LDLRAD4: variants seen among roughly 807,000 people sequenced by gnomAD.
LDLRAD4 encodes the protein low-density lipoprotein receptor class A domain-containing protein 4.
In LDLRAD4, 5 loss-of-function variants were observed where a neutral mutation model predicts 17.0. The observed-to-expected ratio is 0.29, with a 90% CI of 0.15 to 0.62. The LOEUF (loss-of-function observed/expected upper bound fraction) is 0.62. Among genes scored for constraint, LDLRAD4 ranks in the 20% least tolerant of loss-of-function variants. The pLI is 0.84. For missense variants in LDLRAD4, 340 were observed against 424.7 expected, an observed-to-expected ratio of 0.80 and a Z score of 1.75; for synonymous variants, 168 against 171.8, an observed-to-expected ratio of 0.98 and a Z score of 0.17.
intron 3 of LDLRAD4, among the ~76,000 whole-genome samples, chr18:13,525,609 A>G (rs559645955): frequency 1.3e-5 from 2 of 152,380 alleles, no homozygotes; most frequent in South Asian, 4.1e-4. Flanking sequence ...AGGTCTTGGC[A>G]TCTGCCGGGG....
At chr18:13,639,543 A>G (rs944053247) in intron 4 of LDLRAD4, among the ~76,000 whole-genome samples, 4 of 152,202 alleles carry the variant, frequency 2.6e-5, no homozygotes, top group Admixed American at 6.5e-5. Context: ...TGGAGCGAGC[A>G]TCAGCTAATG....
At chr18:13,574,632 G>A (rs2094741935) in intron 3 of LDLRAD4, among the ~76,000 whole-genome samples, 1 of 152,196 alleles carries the variant, frequency 6.6e-6, no homozygotes, top group Admixed American at 6.5e-5. Flanking sequence ...CGCTCATGGA[G>A]CCCTGGCATT....
chr18:13,347,921 A>T (rs8099239), intron 1 of LDLRAD4, among the ~76,000 whole-genome samples: 7,958 of 152,268 alleles, frequency 0.052, 514 homozygotes, highest in African/African-American at 0.15. Context: ...TTTCAGCTTC[A>T]TCAGGTCCTT....
chr18:13,223,503 T>C (rs2041579935), intron 1 of LDLRAD4, among the ~76,000 whole-genome samples: 1 of 152,050 alleles, frequency 6.6e-6, no homozygotes. Context: ...GGGCCGGCAA[T>C]GCACAGCCAG....
intron 3 of LDLRAD4, among the ~76,000 whole-genome samples, chr18:13,442,998 G>A (rs1475201761): frequency 2.0e-5 from 3 of 152,112 alleles, no homozygotes; most frequent in African/African-American, 7.2e-5. Flanking sequence ...CCCTGCTACT[G>A]GAGGGTTGGG....
chr18:13,614,680 T>C (rs986499071), intron 3 of LDLRAD4: 1 of 152,120 alleles, frequency 6.6e-6, no homozygotes, highest in Non-Finnish European at 1.5e-5. Flanking sequence ...ATACTAACAG[T>C]TCACAAACTT....
intron 1 of LDLRAD4, among the ~76,000 whole-genome samples, chr18:13,370,685 C>T (rs1440241448): frequency 6.8e-6 from 1 of 146,848 alleles, no homozygotes; most frequent in African/African-American, 2.5e-5. Flanking sequence ...TAGATGTAGG[C>T]AGTGTCTCTT....
chr18:13,303,063 G>T (rs1456303203), intron 1 of LDLRAD4, among the ~76,000 whole-genome samples: 2 of 152,208 alleles, frequency 1.3e-5, no homozygotes, highest in Non-Finnish European at 2.9e-5. Context: ...CTTCTCCAGT[G>T]GCCTGGGGCT....
chr18:13,326,571 C>T (rs774332127), intron 1 of LDLRAD4, among the ~76,000 whole-genome samples: 7 of 152,128 alleles, frequency 4.6e-5, no homozygotes, highest in Non-Finnish European at 8.8e-5. Context: ...ATGAGATGTT[C>T]TTGTTTATGG....
intron 3 of LDLRAD4, among the ~76,000 whole-genome samples, chr18:13,482,721 A>G (rs923236691): frequency 6.6e-6 from 1 of 152,152 alleles, no homozygotes; most frequent in East Asian, 1.9e-4. Context: ...CTAAGTTCCT[A>G]TGGGCCCTGG....
chr18:13,295,198 G>A (rs2046205198), intron 1 of LDLRAD4, among the ~76,000 whole-genome samples: 1 of 152,360 alleles, frequency 6.6e-6, no homozygotes. Context: ...GATACTTTCT[G>A]TCTTGCTTGG....
At position 13,582,517 on chromosome 18, in the gene LDLRAD4, C is replaced by G. The variant is rs531269634; in HGVS notation, c.182-38600C>G. On this transcript the variant is annotated intron_variant, in intron 3 of 5. Coordinates refer to ENST00000359446, the Ensembl canonical transcript of LDLRAD4. ...GGGCAGTGTTTGCAGCTCCTCTGCT[C>G]TGTCCACTTGGGTTCCTTTGAGCGA... Among the ~76,000 whole-genome samples, 7 of 152,360 alleles carry G rather than the reference C, an allele frequency of 4.6e-5. No individual in the cohort carries two copies. The South Asian group carries it at 8.3e-4, about 18-fold the overall frequency.
At chr18:13,373,155 A>ATGTGTGTGTGTG (rs35632499) in intron 1 of LDLRAD4, among the ~76,000 whole-genome samples, 71 of 149,670 alleles carry the variant, frequency 4.7e-4, no homozygotes, top group African/African-American at 1.7e-3. Flanking sequence ...CAACTGTTTA[A>ATGTGTGTGTGTG]TGTGTGTGTG....
chr18:13,590,025 A>G (rs558361383), intron 3 of LDLRAD4, among the ~76,000 whole-genome samples: 35 of 124,674 alleles, frequency 2.8e-4, no homozygotes, highest in African/African-American at 1.1e-3. Flanking sequence ...GTGCATGTGT[A>G]TGGGTGTGCA....
intron 1 of LDLRAD4, among the ~76,000 whole-genome samples, chr18:13,256,100 G>A (rs547416240): frequency 1.2e-4 from 19 of 152,358 alleles, no homozygotes; most frequent in African/African-American, 3.8e-4. Flanking sequence ...AGAAAGACGT[G>A]ATGTAAAGCA....
intron 1 of LDLRAD4, among the ~76,000 whole-genome samples, chr18:13,246,418 G>C (rs1262283429): frequency 6.6e-6 from 1 of 152,258 alleles, no homozygotes; most frequent in Non-Finnish European, 1.5e-5. Flanking sequence ...CGTGCCACTT[G>C]TCTAAATCAC....
chr18:13,236,052 T>C (rs981757167), intron 1 of LDLRAD4, among the ~76,000 whole-genome samples: 1 of 152,206 alleles, frequency 6.6e-6, no homozygotes, highest in African/African-American at 2.4e-5. Context: ...AAAGTCACTT[T>C]CTGAAAAATT....
chr18:13,536,746 A>G (rs1171689627), intron 3 of LDLRAD4, among the ~76,000 whole-genome samples: 1 of 152,162 alleles, frequency 6.6e-6, no homozygotes, highest in African/African-American at 2.4e-5. Context: ...GAGTAGTAAT[A>G]TGAGCTGTAT....
chr18:13,241,609 C>A (rs1460300218), intron 1 of LDLRAD4: 1 of 152,308 alleles, frequency 6.6e-6, no homozygotes, highest in Non-Finnish European at 1.5e-5. Flanking sequence ...CTGCTGAAAG[C>A]CGGTATTGCT....
Sources: allele counts gnomAD v4.1 joint callset (sites outside exome capture counted in the v4.1 genomes callset), GRCh38; gene constraint gnomAD v4.1.1; transcripts MANE v1.5; gene names NCBI Gene and HGNC (gene_info 2026-07-23, HGNC 2026-07-21).